The following SPRED1 variants were observed in gnomAD, a reference collection of about 807,000 sequenced individuals.
SPRED1 encodes sprouty related EVH1 domain containing 1, also known as sprouty-related, EVH1 domain-containing protein 1.
Under a neutral mutation model 52.3 loss-of-function variants are expected in SPRED1, and 18 were observed. That is an observed-to-expected ratio of 0.34 (90% CI 0.24 to 0.51). The LOEUF (loss-of-function observed/expected upper bound fraction) is 0.51, where lower values mean the gene tolerates loss of function less well. SPRED1 is among the 20% of genes least tolerant of loss of function. The pLI, the probability that SPRED1 is intolerant of heterozygous loss-of-function variation, is 0.97. For missense variants in SPRED1, 485 were observed against 551.0 expected (o/e 0.88, Z 1.20); for synonymous variants, 155 against 179.7 (o/e 0.86, Z 1.10).
At position 38,253,152 on chromosome 15, in the gene SPRED1, C is replaced by G. The variant is rs1894015918; in HGVS notation, c.-34C>G. 6.4e-7 allele frequency: 1 copy of G among 1,568,080 alleles called. No individual in the cohort carries two copies. The highest frequency in any genetic ancestry group is 1.9e-5 in the Admixed American group (1 of 53,770). ...GTTGCTCCCCCGCCTGCTGTTGCTC[C>G]TCCATCTCCAGATCGGATCACGGTG... is the stretch of plus-strand genomic sequence containing the variant. On this transcript the variant is annotated 5_prime_UTR_variant, in exon 1 of 7. Transcript: ENST00000299084.
In SPRED1 at chr15:38,351,887, G is replaced by A; in HGVS notation, c.*223G>A. 1.7e-6 allele frequency: 1 copy of A among 604,454 alleles called. No individual in the cohort carries two copies. Among genetic ancestry groups the A allele is most frequent in the Non-Finnish European group, 2.9e-6 (1 of 345,804 alleles). 37.4% of individuals were successfully genotyped at this position (604,454 alleles called of 1,614,324 possible). A position where few individuals can be genotyped will look rare whatever the true frequency, so the allele number is the denominator to read the frequency against. Reference sequence around the variant, plus strand: ...ACAGGTTGTAGAGTATTTGCAGAAGGAAACCATTTCTGGTTATTTGGCTAT... The same window carrying A: ...ACAGGTTGTAGAGTATTTGCAGAAGAAAACCATTTCTGGTTATTTGGCTAT... On this transcript the variant is annotated 3_prime_UTR_variant, in exon 7 of 7. Transcript: ENST00000299084.
chr15:38,308,505 C>G (rs1189671089), intron 2 of SPRED1, among the ~76,000 whole-genome samples: 1 of 152,288 alleles, frequency 6.6e-6, no homozygotes, highest in Non-Finnish European at 1.5e-5. Context: ...CATCTATTTC[C>G]GTTTTTGCCA....
At chr15:38,281,804 T>G (rs1423379448) in intron 1 of SPRED1, among the ~76,000 whole-genome samples, 1 of 152,072 alleles carries the variant, frequency 6.6e-6, no homozygotes, top group East Asian at 1.9e-4. Context: ...TTTAGAGACA[T>G]GCTGTAAAGT....
In SPRED1 at chr15:38,318,974, A is replaced by G. The variant is rs772038880; in HGVS notation, c.208-3267A>G. Reference sequence around the variant, plus strand: ...ACAATAGATGCCATTTGAAGACAAGATTAGGGTAGATCACATTGAAATTTT... The same window carrying G: ...ACAATAGATGCCATTTGAAGACAAGGTTAGGGTAGATCACATTGAAATTTT... On this transcript the variant is annotated intron_variant, in intron 2 of 6. Coordinates refer to ENST00000299084, the MANE Select transcript of SPRED1 (RefSeq NM_152594.3). Among the ~76,000 whole-genome samples, 5 of 152,286 alleles carry G rather than the reference A, an allele frequency of 3.3e-5. No homozygotes were observed. The East Asian group carries it at 7.7e-4, about 24-fold the overall frequency.
intron 4 of SPRED1, among the ~76,000 whole-genome samples, chr15:38,330,031 A>G (rs928739592): frequency 1.3e-5 from 2 of 152,198 alleles, no homozygotes; most frequent in African/African-American, 4.8e-5. Context: ...AAAATCCTAG[A>G]AATATACTTA....
intron 1 of SPRED1, among the ~76,000 whole-genome samples, chr15:38,297,902 A>C (rs1895071439): frequency 6.6e-6 from 1 of 152,214 alleles, no homozygotes; most frequent in African/African-American, 2.4e-5. Flanking sequence ...TTTCTAAGCC[A>C]AGATCCAACT....
intron 4 of SPRED1, 72 bp downstream of exon 4, chr15:38,324,881 C>T: frequency 8.3e-7 from 1 of 1,198,452 alleles, no homozygotes; most frequent in Non-Finnish European, 1.2e-6. Flanking sequence ...ATTCAATAAA[C>T]TTATCAATTA....
chr15:38,321,679 C>A (rs1430387563), intron 2 of SPRED1, among the ~76,000 whole-genome samples: 1 of 152,108 alleles, frequency 6.6e-6, no homozygotes, highest in Non-Finnish European at 1.5e-5. Flanking sequence ...CTGCAACCTC[C>A]ACCTCCTGGG....
rs1441043972 is a variant in SPRED1 at position 38,322,260 on chromosome 15, T to C, written c.227T>C (p.Leu76Pro). ...RDKMVVLECM[L>P]KKDLIYNKVT... Reference sequence around the variant, plus strand: ...TGTCAGGTGGTTTTGGAATGTATGCTTAAAAAAGACCTCATTTATAATAAG... The same window carrying C: ...TGTCAGGTGGTTTTGGAATGTATGCCTAAAAAAGACCTCATTTATAATAAG... Residue 76 changes from leucine (L) to proline (P), a missense_variant, in exon 3 of 7, where the codon CTT (leucine) becomes CCT (proline). Transcript: ENST00000299084. The C allele has an allele frequency of 1.9e-6, 3 of 1,613,856 alleles. No individual in the cohort carries two copies. The highest frequency in any genetic ancestry group is 1.7e-6 in the Non-Finnish European group (2 of 1,179,874).
chr15:38,253,173 C>G lies in SPRED1; in HGVS notation c.-13C>G, dbSNP rs756552268. On this transcript the variant is annotated 5_prime_UTR_variant, in exon 1 of 7. Transcript: ENST00000299084. Reference sequence around the variant, plus strand: ...GCTCCTCCATCTCCAGATCGGATCACGGTGAGGGAAAGATGAGCGAGGAGA... The same window carrying G: ...GCTCCTCCATCTCCAGATCGGATCAGGGTGAGGGAAAGATGAGCGAGGAGA... The G allele has an allele frequency of 6.3e-6, 10 of 1,577,356 alleles. No individual in the cohort carries two copies. The highest frequency in any genetic ancestry group is 8.6e-6 in the Non-Finnish European group (10 of 1,160,504).
Position 38,349,469 on chromosome 15 carries a change from A to G in SPRED1, c.630A>G (p.Glu210=). The G allele has an allele frequency of 6.2e-7, 1 of 1,612,868 alleles. No individual in the cohort carries two copies. The highest frequency in any genetic ancestry group is 8.5e-7 in the Non-Finnish European group (1 of 1,179,098). ...TGGACATTCAGAGCAGAAGTATGGA[A>G]TACGTACAGCGGCAAATATCCAAGG... is the stretch of plus-strand genomic sequence containing the variant. ...PGLDIQSRSM[E]YVQRQISKEC... The change falls in exon 6 of 7, where the codon GAA becomes GAG. Residue 210 remains glutamate, a synonymous_variant. Coordinates refer to ENST00000299084, the MANE Select transcript of SPRED1 (RefSeq NM_152594.3).
At chr15:38,347,484 T>C (rs953283496) in intron 5 of SPRED1, among the ~76,000 whole-genome samples, 1 of 96,146 alleles carries the variant, frequency 1.0e-5, no homozygotes, top group Non-Finnish European at 2.4e-5. Context: ...TTTTTTTTTT[T>C]TCAATTTGGC....
intron 3 of SPRED1, among the ~76,000 whole-genome samples, chr15:38,322,909 A>T (rs1180925949): frequency 6.6e-6 from 1 of 152,108 alleles, no homozygotes; most frequent in Admixed American, 6.5e-5. Flanking sequence ...TTCCTTTGTT[A>T]TCTTGCCAGT....
intron 1 of SPRED1, among the ~76,000 whole-genome samples, chr15:38,283,048 C>G (rs576922685): frequency 6.6e-6 from 1 of 152,230 alleles, no homozygotes; most frequent in South Asian, 2.1e-4. Context: ...ATAAAGAATA[C>G]TACTTGAGAC....
intron 1 of SPRED1, among the ~76,000 whole-genome samples, chr15:38,285,029 T>C (rs1375985153): frequency 2.0e-5 from 3 of 152,110 alleles, no homozygotes. Context: ...TACCACACCA[T>C]TTTAAATACT....
In SPRED1 at chr15:38,353,457, A is replaced by T. The variant is rs1888539972; in HGVS notation, c.*1793A>T. 6.6e-6 allele frequency: 1 copy of T among 152,552 alleles called. No individual in the cohort carries two copies. Among genetic ancestry groups the T allele is most frequent in the Admixed American group, 6.5e-5 (1 of 15,276 alleles). The allele number at this position is 152,552 out of a possible 1,614,324, so 9.4% of individuals were successfully genotyped here. ...GAAGAAAATATATTGATAACTATAG[A>T]TGTTATGAAGAAGAGGGTATTTCTA... On this transcript the variant is annotated 3_prime_UTR_variant, in exon 7 of 7. Coordinates refer to ENST00000299084, the MANE Select transcript of SPRED1 (RefSeq NM_152594.3).
chr15:38,286,645 T>G (rs2140968923), intron 1 of SPRED1, among the ~76,000 whole-genome samples: 1 of 152,288 alleles, frequency 6.6e-6, no homozygotes, highest in Non-Finnish European at 1.5e-5. Context: ...TACATTTTTA[T>G]TGTTGTACAT....
At chr15:38,254,746 C>T (rs929848098) in intron 1 of SPRED1, among the ~76,000 whole-genome samples, 4 of 152,174 alleles carry the variant, frequency 2.6e-5, no homozygotes, top group Non-Finnish European at 5.9e-5. Context: ...ATCACGTGAT[C>T]GCCTCCATTC....
chr15:38,269,905 CTTTTT>C (rs10566946), intron 1 of SPRED1, among the ~76,000 whole-genome samples: 3 of 92,010 alleles, frequency 3.3e-5, no homozygotes. Context: ...TTCTTTCTTT[CTTTTT>C]TTTTTTTTTT....
Sources: allele counts gnomAD v4.1 joint callset (sites outside exome capture counted in the v4.1 genomes callset), GRCh38; gene constraint gnomAD v4.1.1; transcripts MANE v1.5; gene names NCBI Gene and HGNC (gene_info 2026-07-23, HGNC 2026-07-21).